Variants in IFT88 observed in about 807,000 individuals in gnomAD.
The protein encoded by IFT88 is intraflagellar transport 88, also known as intraflagellar transport protein 88 homolog.
Under a neutral mutation model 119.5 loss-of-function variants are expected in IFT88, and 74 were observed. That is an observed-to-expected ratio of 0.62 (90% CI 0.51 to 0.75). IFT88 has a LOEUF of 0.75. IFT88 is among the 30% of genes least tolerant of loss of function. The pLI, the probability that IFT88 is intolerant of heterozygous loss-of-function variation, is 0.00. For missense variants in IFT88, 961 were observed against 977.7 expected, an observed-to-expected ratio of 0.98 and a Z score of 0.23; for synonymous variants, 279 against 316.7, an observed-to-expected ratio of 0.88 and a Z score of 1.26.
intron 19 of IFT88, among the ~76,000 whole-genome samples, chr13:20,644,137 TGA>T (rs1237115446): frequency 7.9e-5 from 12 of 151,650 alleles, no homozygotes; most frequent in Admixed American, 6.6e-4. Context: ...GAGACCAGAG[TGA>T]GAGGATTGCT....
chr13:20,621,627 G>A (rs2046533903), intron 14 of IFT88, among the ~76,000 whole-genome samples: 1 of 147,684 alleles, frequency 6.8e-6, no homozygotes, highest in African/African-American at 2.5e-5. Context: ...TAGCATAATT[G>A]AACAGAATGT....
chr13:20,662,334 C>T (rs2053954466), intron 22 of IFT88, among the ~76,000 whole-genome samples: 1 of 151,792 alleles, frequency 6.6e-6, no homozygotes, highest in Non-Finnish European at 1.5e-5. Flanking sequence ...CAAAAAAAGT[C>T]CAGGACCAGA....
chr13:20,612,561 C>T (rs929777689), intron 13 of IFT88, among the ~76,000 whole-genome samples: 1 of 151,958 alleles, frequency 6.6e-6, no homozygotes, highest in Non-Finnish European at 1.5e-5. Context: ...GGCAGTGCTC[C>T]CCAAATTAAT....
chr13:20,670,837 T>C (rs1357719879), intron 23 of IFT88, 136 bp from the exon 24 acceptor site: 1 of 502,522 alleles, frequency 2.0e-6, no homozygotes, highest in Non-Finnish European at 3.2e-6. Context: ...TTTTTTTCTA[T>C]AGAATCAACT....
At chr13:20,681,866 A>C (rs2057359222) in intron 24 of IFT88, among the ~76,000 whole-genome samples, 1 of 152,236 alleles carries the variant, frequency 6.6e-6, no homozygotes, top group African/African-American at 2.4e-5. Flanking sequence ...GGGCGTCTGG[A>C]AAACTTTACG....
chr13:20,658,484 ACTTT>A (rs2053252841), intron 22 of IFT88, among the ~76,000 whole-genome samples: 1 of 152,164 alleles, frequency 6.6e-6, no homozygotes, highest in Non-Finnish European at 1.5e-5. Flanking sequence ...TGTTTAAAGA[ACTTT>A]CTATGTGATT....
At chr13:20,600,654 A>G (rs539303521) in intron 11 of IFT88, among the ~76,000 whole-genome samples, 1 of 152,354 alleles carries the variant, frequency 6.6e-6, no homozygotes, top group South Asian at 2.1e-4. Flanking sequence ...GAAATTAGAA[A>G]CCTCATTCAC....
At chr13:20,591,425 C>T (rs1277857696) in intron 5 of IFT88, among the ~76,000 whole-genome samples, 193 bp from the exon 6 acceptor site, 1 of 151,906 alleles carries the variant, frequency 6.6e-6, no homozygotes, top group Non-Finnish European at 1.5e-5. Flanking sequence ...CCAATTACAT[C>T]AAAGAATTGA....
At chr13:20,594,226 T>C in intron 7 of IFT88, among the ~76,000 whole-genome samples, 1 of 152,184 alleles carries the variant, frequency 6.6e-6, no homozygotes, top group East Asian at 1.9e-4. Context: ...CCCAAGCGCC[T>C]GCCGATCATT....
At chr13:20,631,319 A>G in intron 16 of IFT88, 1 of 498,272 alleles carries the variant, frequency 2.0e-6, no homozygotes, top group South Asian at 2.8e-5. Flanking sequence ...AGGGAGGAAG[A>G]AAAATTGTAG....
rs555117619 is a variant in IFT88 at position 20,691,398 on chromosome 13, A to C, written c.*223A>C. The C allele has an allele frequency of 1.1e-5, 4 of 378,670 alleles. No individual in the cohort carries two copies. The South Asian group carries it at 1.9e-4, about 18-fold the overall frequency. 23.5% of individuals were successfully genotyped at this position (378,670 alleles called of 1,614,324 possible). A position where few individuals can be genotyped will look rare whatever the true frequency, so the allele number is the denominator to read the frequency against. On this transcript the variant is annotated 3_prime_UTR_variant, in exon 26 of 26. Coordinates refer to ENST00000351808, the MANE Select transcript of IFT88 (RefSeq NM_006531.5). ...GCCAGTGACTTCCTTAGCTTTTTGAAAACATTGACACACAGGAAGAAATAA... is the reference window on the plus strand; with the variant it reads ...GCCAGTGACTTCCTTAGCTTTTTGACAACATTGACACACAGGAAGAAATAA...
At chr13:20,625,024 T>A (rs934680700) in intron 14 of IFT88, among the ~76,000 whole-genome samples, 1 of 152,054 alleles carries the variant, frequency 6.6e-6, no homozygotes, top group African/African-American at 2.4e-5. Flanking sequence ...TTGTGTTCTT[T>A]GACCAATGTC....
intron 20 of IFT88, among the ~76,000 whole-genome samples, chr13:20,651,493 TC>T (rs2051690242): frequency 6.7e-6 from 1 of 149,646 alleles, no homozygotes; most frequent in Non-Finnish European, 1.5e-5. Context: ...AAAAGTAGCC[TC>T]AGCATTATTT....
rs541016129 is a variant in IFT88, at chr13:20,635,310, T to G, written c.1387-3022T>G. Among the ~76,000 whole-genome samples, 29 of 152,228 alleles carry G rather than the reference T, an allele frequency of 1.9e-4. 1 individual carries two copies. The South Asian group carries it at 5.6e-3, about 29-fold the overall frequency. The stretch of plus-strand genomic sequence containing the variant: ...GCAAGGACTTGGATCCAAAAATTTC[T>G]GAATGAAAAGACATGGCACCTGTCC... On this transcript the variant is annotated intron_variant, in intron 16 of 25. Transcript: ENST00000351808.
At chr13:20,687,765 A>C (rs922001534) in intron 24 of IFT88, among the ~76,000 whole-genome samples, 1 of 152,212 alleles carries the variant, frequency 6.6e-6, no homozygotes, top group Non-Finnish European at 1.5e-5. Context: ...GGAAAAAATA[A>C]AATGAAAAAA....
At chr13:20,623,954 A>G (rs1186046926) in intron 14 of IFT88, among the ~76,000 whole-genome samples, 1 of 152,200 alleles carries the variant, frequency 6.6e-6, no homozygotes, top group East Asian at 1.9e-4. Context: ...GTATAGATAA[A>G]TGGAAGTGAA....
chr13:20,678,685 A>G (rs1243296821), intron 24 of IFT88, among the ~76,000 whole-genome samples: 1 of 152,232 alleles, frequency 6.6e-6, no homozygotes, highest in East Asian at 1.9e-4. Context: ...CATCACGAGC[A>G]TGTCACATTG....
At chr13:20,648,297 G>T (rs2051048412) in intron 20 of IFT88, among the ~76,000 whole-genome samples, 1 of 152,206 alleles carries the variant, frequency 6.6e-6, no homozygotes, top group African/African-American at 2.4e-5. Flanking sequence ...TCAGGAGGCT[G>T]AGGCATGAGA....
intron 13 of IFT88, among the ~76,000 whole-genome samples, chr13:20,611,560 T>C: frequency 6.8e-6 from 1 of 146,012 alleles, no homozygotes; most frequent in East Asian, 2.1e-4. Flanking sequence ...GCTTTGCACC[T>C]AAGATCAGGA....
Sources: gnomAD v4.1 joint callset for allele counts (sites outside exome capture counted in the v4.1 genomes callset) on GRCh38, gnomAD v4.1.1 for gene constraint, MANE v1.5 for transcripts, NCBI Gene and HGNC (gene_info 2026-07-23, HGNC 2026-07-21) for gene names.